Variants in IQCM observed in about 807,000 individuals in gnomAD.
The protein encoded by IQCM is IQ motif containing M.
In IQCM, 45 loss-of-function variants were observed where a neutral mutation model predicts 57.6. The ratio of observed to expected loss-of-function variants is 0.78; its 90% CI spans 0.62 to 1.00. IQCM has a LOEUF of 1.00. Ranked by LOEUF, IQCM falls within the 50% of genes least tolerant of loss-of-function variation. The pLI is 0.00. For missense variants in IQCM, 468 were observed against 511.6 expected (o/e 0.91, Z 0.82); for synonymous variants, 148 against 158.9 (o/e 0.93, Z 0.51).
intron 12 of IQCM, among the ~76,000 whole-genome samples, chr4:149,535,419 T>C (rs1398757510): frequency 1.3e-5 from 2 of 151,990 alleles, no homozygotes; most frequent in Non-Finnish European, 2.9e-5. Flanking sequence ...TTATAGTAAT[T>C]TAATCATATA....
chr4:149,455,771 C>T (rs1737629135), intron 12 of IQCM, among the ~76,000 whole-genome samples: 1 of 151,718 alleles, frequency 6.6e-6, no homozygotes, highest in Admixed American at 6.6e-5. Context: ...TTTGAGAGCA[C>T]CTTGGACAAA....
intron 3 of IQCM, among the ~76,000 whole-genome samples, chr4:149,737,976 C>T (rs1237274839): frequency 2.0e-5 from 3 of 152,126 alleles, no homozygotes; most frequent in Admixed American, 1.3e-4. Context: ...ACATGACAAG[C>T]AATATAATTT....
chr4:149,784,298 C>T (rs940841166), intron 2 of IQCM, among the ~76,000 whole-genome samples: 3 of 152,186 alleles, frequency 2.0e-5, no homozygotes, highest in Non-Finnish European at 4.4e-5. Context: ...GAAAAACTTG[C>T]CACTGGCTCA....
At chr4:149,387,438 A>G (rs1204628641) in intron 13 of IQCM, among the ~76,000 whole-genome samples, 3 of 152,168 alleles carry the variant, frequency 2.0e-5, no homozygotes, top group East Asian at 1.9e-4. Flanking sequence ...CTTTTACCCA[A>G]TAGCTTCATT....
chr4:149,497,978 T>C (rs767799965), intron 12 of IQCM, among the ~76,000 whole-genome samples: 43 of 152,128 alleles, frequency 2.8e-4, no homozygotes, highest in Non-Finnish European at 5.4e-4. Flanking sequence ...ATGAATGTCA[T>C]AGATGTGATA....
At chr4:149,656,141 A>G (rs377059052) in intron 7 of IQCM, among the ~76,000 whole-genome samples, 6 of 152,114 alleles carry the variant, frequency 3.9e-5, no homozygotes, top group African/African-American at 9.7e-5. Context: ...GTGAAACTCA[A>G]AGGAGAGCAT....
chr4:149,622,783 C>A (rs187375606), intron 7 of IQCM, among the ~76,000 whole-genome samples: 30 of 152,242 alleles, frequency 2.0e-4, no homozygotes, highest in African/African-American at 7.0e-4. Context: ...TTAACGAATT[C>A]AAAGAATTCC....
chr4:149,735,507 A>G, intron 3 of IQCM, 49 bp from the exon 4 acceptor site: 1 of 813,208 alleles, frequency 1.2e-6, no homozygotes, highest in Non-Finnish European at 1.7e-6. Context: ...TGTGAAAGTA[A>G]ATTTTACAAG....
chr4:149,705,430 T>C (rs931633365), intron 5 of IQCM, among the ~76,000 whole-genome samples: 1 of 151,350 alleles, frequency 6.6e-6, no homozygotes, highest in Admixed American at 6.6e-5. Context: ...ACAGCAATAG[T>C]TGTGGCATTA....
rs1429747751 is a variant in IQCM at position 149,796,449 on chromosome 4, G to A, written c.-49+18862C>T. Among the ~76,000 whole-genome samples, 4 of 152,076 alleles carry A rather than the reference G, an allele frequency of 2.6e-5. No individual in the cohort carries two copies. The East Asian group carries it at 7.7e-4, about 29-fold the overall frequency. ...TTTTTGACTGTAATCCCTGGCTCCT[G>A]GACAGCACCTCTGTATCTGCCAGAA... On this transcript the variant is annotated intron_variant, in intron 2 of 13. Coordinates refer to ENST00000636793, the MANE Select transcript of IQCM (RefSeq NM_001363507.2).
intron 2 of IQCM, among the ~76,000 whole-genome samples, chr4:149,750,193 G>A (rs1768299852): frequency 6.6e-6 from 1 of 152,102 alleles, no homozygotes; most frequent in African/African-American, 2.4e-5. Context: ...ATTATCCAAT[G>A]AGGAGCTAAG....
intron 12 of IQCM, among the ~76,000 whole-genome samples, chr4:149,457,284 T>C (rs1032460721): frequency 6.6e-6 from 1 of 152,120 alleles, no homozygotes; most frequent in Non-Finnish European, 1.5e-5. Flanking sequence ...CAAACAGATG[T>C]ACACAGGCCC....
At chr4:149,530,795 AC>A (rs1169417035) in intron 12 of IQCM, among the ~76,000 whole-genome samples, 2 of 26,244 alleles carry the variant, frequency 7.6e-5, no homozygotes, top group African/African-American at 1.5e-4. Context: ...AGACACCCCC[AC>A]CCCCCCACCC....
chr4:149,568,943 T>C (rs78138690), intron 9 of IQCM, among the ~76,000 whole-genome samples: 237 of 152,314 alleles, frequency 1.6e-3, no homozygotes, highest in Non-Finnish European at 2.8e-3. Flanking sequence ...TCTAGGACTA[T>C]GAGCTGGTCT....
At chr4:149,791,052 T>G (rs1772556132) in intron 2 of IQCM, among the ~76,000 whole-genome samples, 1 of 152,152 alleles carries the variant, frequency 6.6e-6, no homozygotes, top group Admixed American at 6.5e-5. Context: ...GAGCAAAGTT[T>G]ATAGATAATC....
intron 7 of IQCM, among the ~76,000 whole-genome samples, chr4:149,623,820 A>G (rs1756559981): frequency 6.6e-6 from 1 of 152,004 alleles, no homozygotes; most frequent in South Asian, 2.1e-4. Flanking sequence ...AATCCCAGTT[A>G]TCAGTCAGCA....
chr4:149,617,603 A>T (rs1035464616), intron 8 of IQCM, among the ~76,000 whole-genome samples: 1 of 152,186 alleles, frequency 6.6e-6, no homozygotes, highest in Non-Finnish European at 1.5e-5. Context: ...TCAGTTTATA[A>T]ACACCTAAAG....
chr4:149,645,361 G>A (rs748088607), intron 7 of IQCM, among the ~76,000 whole-genome samples: 13 of 152,140 alleles, frequency 8.5e-5, no homozygotes, highest in Non-Finnish European at 1.6e-4. Context: ...CAAAATCAGT[G>A]TATTTTCCTA....
rs1767569827 is a variant in IQCM at position 149,742,670 on chromosome 4, G to T, written c.22C>A (p.Pro8Thr). The T allele has an allele frequency of 4.1e-6, 5 of 1,231,360 alleles. No individual in the cohort carries two copies. In the East Asian group the frequency reaches 1.6e-4, roughly 39 times the overall value. The allele number at this position is 1,231,360 out of a possible 1,614,324, so 76.3% of individuals were successfully genotyped here. MTTEEAM[P>T]EKAKCPTLEI... is the part of the protein sequence containing the mutation. ...AGATACTCACATTTTGCTTTTTCAG[G>T]CATAGCCTCTTCAGTAGTCATGAGG... The change falls in exon 3 of 14, where the codon CCT (proline) becomes ACT (threonine). Residue 8 changes from proline to threonine, a missense_variant. By Grantham distance (38) the Pro-to-Thr change is conservative. Coordinates refer to ENST00000636793, the MANE Select transcript of IQCM (RefSeq NM_001363507.2).
Sources: allele counts gnomAD v4.1 joint callset (sites outside exome capture counted in the v4.1 genomes callset), GRCh38; gene constraint gnomAD v4.1.1; transcripts MANE v1.5; gene names NCBI Gene and HGNC (gene_info 2026-07-23, HGNC 2026-07-21).